Variants in ARCN1 observed in about 807,000 individuals in gnomAD.
The protein encoded by ARCN1 is archain 1 coat protein complex I subunit delta.
Under a neutral mutation model 60.4 loss-of-function variants are expected in ARCN1, and 5 were observed. That is an observed-to-expected ratio of 0.08 (90% CI 0.04 to 0.17). The LOEUF (loss-of-function observed/expected upper bound fraction) is 0.17, where lower values mean the gene tolerates loss of function less well. ARCN1 is among the 10% of genes least tolerant of loss of function. ARCN1 has a pLI of 1.00. For missense variants in ARCN1, 464 were observed against 626.5 expected, an observed-to-expected ratio of 0.74 and a Z score of 2.77; for synonymous variants, 224 against 220.0, an observed-to-expected ratio of 1.02 and a Z score of -0.16.
rs147424028 is a variant in ARCN1, at chr11:118,581,596, A to C, written c.267+87A>C. On this transcript the variant is annotated intron_variant, in intron 2 of 9. Coordinates refer to ENST00000264028, the MANE Select transcript of ARCN1 (RefSeq NM_001655.5). Reference sequence around the variant, plus strand: ...TTTTCCTCCAAAGCAGCTGATGCTAACCAGTTTGCAGGTTCCTACTCCGCA... The same window carrying C: ...TTTTCCTCCAAAGCAGCTGATGCTACCCAGTTTGCAGGTTCCTACTCCGCA... 175 of 1,441,474 alleles carry C rather than the reference A, an allele frequency of 1.2e-4. 2 individuals carry two copies. In the East Asian group the frequency reaches 3.8e-3, roughly 31 times the overall value. The allele number at this position is 1,441,474 out of a possible 1,614,324, so 89.3% of individuals were successfully genotyped here. A position where few individuals can be genotyped will look rare whatever the true frequency, so the allele number is the denominator to read the frequency against.
chr11:118,587,171 C>A (rs1444911743), intron 5 of ARCN1, among the ~76,000 whole-genome samples: 2 of 152,168 alleles, frequency 1.3e-5, no homozygotes, highest in Non-Finnish European at 2.9e-5. Context: ...TTGCCTCTAG[C>A]AGCAGCAGTT....
chr11:118,599,737 C>A lies in ARCN1; in HGVS notation c.1447-888C>A, dbSNP rs369830969. Reference sequence around the variant, plus strand: ...GAGCTTCCACGTCTGGCTGTTCTTCCAGTTTTTTAATTTGCATTACTAGGA... The same window carrying A: ...GAGCTTCCACGTCTGGCTGTTCTTCAAGTTTTTTAATTTGCATTACTAGGA... On this transcript the variant is annotated intron_variant, in intron 9 of 9. Transcript: ENST00000264028. Among the ~76,000 whole-genome samples, 5 of 152,258 alleles carry A rather than the reference C, an allele frequency of 3.3e-5. No individual in the cohort carries two copies. In the East Asian group the frequency reaches 5.8e-4, roughly 18 times the overall value.
At position 118,581,567 on chromosome 11, in the gene ARCN1, T is replaced by C; in HGVS notation, c.267+58T>C. 3 of 1,536,094 alleles carry C rather than the reference T, an allele frequency of 2.0e-6. No individual in the cohort carries two copies. In the Admixed American group the frequency reaches 6.0e-5, roughly 31 times the overall value. On this transcript the variant is annotated intron_variant, in intron 2 of 9. Coordinates refer to ENST00000264028, the MANE Select transcript of ARCN1 (RefSeq NM_001655.5). Reference sequence around the variant, plus strand: ...TTTTGTTTTACATTTTATGTGAAACTAGTTTTTCCTCCAAAGCAGCTGATG... The same window carrying C: ...TTTTGTTTTACATTTTATGTGAAACCAGTTTTTCCTCCAAAGCAGCTGATG...
At chr11:118,574,314 A>T (rs1178531242) in intron 1 of ARCN1, among the ~76,000 whole-genome samples, 1 of 152,158 alleles carries the variant, frequency 6.6e-6, no homozygotes, top group Non-Finnish European at 1.5e-5. Flanking sequence ...CTCCTTTACA[A>T]ACAGATCCCT....
chr11:118,599,196 G>A (rs535022160), intron 9 of ARCN1, among the ~76,000 whole-genome samples: 1 of 151,650 alleles, frequency 6.6e-6, no homozygotes, highest in East Asian at 1.9e-4. Context: ...AGGTTCAAGC[G>A]ATTCTCCTGC....
chr11:118,587,164 C>T (rs1478545345), intron 5 of ARCN1, among the ~76,000 whole-genome samples: 1 of 152,138 alleles, frequency 6.6e-6, no homozygotes, highest in African/African-American at 2.4e-5. Context: ...TTAATACTTG[C>T]CTCTAGCAGC....
Position 118,572,546 on chromosome 11 carries a change from C to G in ARCN1, c.-2C>G. The G allele has an allele frequency of 6.2e-7, 1 of 1,611,366 alleles. No homozygotes were observed. The highest frequency in any genetic ancestry group is 1.1e-5 in the South Asian group (1 of 90,648). ...CGGGCGCGCCCCACCACCGCCCTCA[C>G]CATGGTAAGATCCGAGCCAGGACCC... is the stretch of plus-strand genomic sequence containing the variant. On this transcript the variant is annotated 5_prime_UTR_variant, in exon 1 of 10. Coordinates refer to ENST00000264028, the MANE Select transcript of ARCN1 (RefSeq NM_001655.5).
At chr11:118,573,869 C>T (rs2135527188) in intron 1 of ARCN1, 1 of 510,014 alleles carries the variant, frequency 2.0e-6, no homozygotes, top group East Asian at 3.2e-5. Context: ...TTCAGTTTCT[C>T]CAGGAGGTTC....
At chr11:118,581,714 A>G (rs1591383415) in intron 2 of ARCN1, among the ~76,000 whole-genome samples, 1 of 152,158 alleles carries the variant, frequency 6.6e-6, no homozygotes, top group African/African-American at 2.4e-5. Flanking sequence ...GAATATGGGA[A>G]CTACTGTTTC....
In ARCN1 at chr11:118,600,745, T is replaced by G; in HGVS notation, c.*31T>G. Reference sequence around the variant, plus strand: ...AGAAGAGGGAGCTGAAAAGGAAAATTTTCAGATTAATAAAGAAGACGCCAA... The same window carrying G: ...AGAAGAGGGAGCTGAAAAGGAAAATGTTCAGATTAATAAAGAAGACGCCAA... On this transcript the variant is annotated 3_prime_UTR_variant, in exon 10 of 10. Coordinates refer to ENST00000264028, the MANE Select transcript of ARCN1 (RefSeq NM_001655.5). The G allele has an allele frequency of 6.7e-7, 1 of 1,485,588 alleles. No individual in the cohort carries two copies. The highest frequency in any genetic ancestry group is 9.2e-7 in the Non-Finnish European group (1 of 1,081,092). The allele number at this position is 1,485,588 out of a possible 1,614,324, so 92.0% of individuals were successfully genotyped here. A position where few individuals can be genotyped will look rare whatever the true frequency, so the allele number is the denominator to read the frequency against.
chr11:118,584,971 G>A (rs1400085411), intron 5 of ARCN1, among the ~76,000 whole-genome samples: 6 of 151,192 alleles, frequency 4.0e-5, no homozygotes, highest in African/African-American at 7.3e-5. Context: ...GACCACAGGC[G>A]CCCACCCCTA....
At chr11:118,594,909 GTGCAACCTTGGCTTAC>G (rs1348884665) in intron 8 of ARCN1, among the ~76,000 whole-genome samples, 3 of 151,854 alleles carry the variant, frequency 2.0e-5, no homozygotes, top group Admixed American at 6.6e-5. Flanking sequence ...CAGTGCAGTG[GTGCAACCTTGGCTTAC>G]TGCAACCTCC....
chr11:118,576,450 C>CAAAA (rs1565357939), intron 1 of ARCN1, among the ~76,000 whole-genome samples: 1 of 43,734 alleles, frequency 2.3e-5, no homozygotes, highest in African/African-American at 6.6e-5. Flanking sequence ...AAAAAAAAAA[C>CAAAA]CAAAAACTTT....
At chr11:118,581,059 G>A (rs1555074458) in intron 1 of ARCN1, among the ~76,000 whole-genome samples, 187 bp from the exon 2 acceptor site, 1 of 152,138 alleles carries the variant, frequency 6.6e-6, no homozygotes, top group East Asian at 1.9e-4. Context: ...GTTTGAGGTT[G>A]TAGTGAGCTG....
chr11:118,583,409 C>A, intron 3 of ARCN1, 51 bp downstream of exon 3: 1 of 1,514,910 alleles, frequency 6.6e-7, no homozygotes. Context: ...TTCTCTTAGG[C>A]TTCACTAATC....
rs180720670 is a variant in ARCN1 at position 118,580,185 on chromosome 11, T to C, written c.4-1061T>C. ...CGAAAATACAAAAATTTGCCAGGCA[T>C]GATGGCACCTGCCTATAGTCCCAGC... On this transcript the variant is annotated intron_variant, in intron 1 of 9. Transcript: ENST00000264028. Among the ~76,000 whole-genome samples the C allele has an allele frequency of 2.6e-5, 4 of 152,204 alleles. No homozygotes were observed. In the East Asian group the frequency reaches 7.7e-4, roughly 29 times the overall value.
At chr11:118,578,054 C>T (rs991368332) in intron 1 of ARCN1, among the ~76,000 whole-genome samples, 4 of 151,990 alleles carry the variant, frequency 2.6e-5, no homozygotes, top group African/African-American at 9.7e-5. Flanking sequence ...CCCAGTTACT[C>T]AGGAGGCTGA....
intron 5 of ARCN1, among the ~76,000 whole-genome samples, chr11:118,590,120 C>G (rs1555076028): frequency 1.3e-5 from 2 of 152,170 alleles, no homozygotes; most frequent in Non-Finnish European, 2.9e-5. Context: ...CTTAGCCTCC[C>G]AAGTAGCTGG....
rs1241446356 is a variant in ARCN1 at position 118,602,398 on chromosome 11, G to A, written c.*1684G>A. The A allele has an allele frequency of 6.5e-6, 1 of 153,792 alleles. No individual in the cohort carries two copies. Among genetic ancestry groups the A allele is most frequent in the Non-Finnish European group, 1.5e-5 (1 of 68,078 alleles). The allele number at this position is 153,792 out of a possible 1,614,324, so 9.5% of individuals were successfully genotyped here. A position where few individuals can be genotyped will look rare whatever the true frequency, so the allele number is the denominator to read the frequency against. ...CAGTCCATAGGGGTGGTTAAAAGTT[G>A]CTGCAAGGCTGCAGGCACTGGCAGT... is the stretch of plus-strand genomic sequence containing the variant. On this transcript the variant is annotated 3_prime_UTR_variant, in exon 10 of 10. Transcript: ENST00000264028.
Sources: gnomAD v4.1 joint callset for allele counts (sites outside exome capture counted in the v4.1 genomes callset) on GRCh38, gnomAD v4.1.1 for gene constraint, MANE v1.5 for transcripts, NCBI Gene and HGNC (gene_info 2026-07-23, HGNC 2026-07-21) for gene names.